FMN1: variants seen among roughly 807,000 people sequenced by gnomAD.
The protein encoded by FMN1 is formin 1.
FMN1 carries 110 observed loss-of-function variants against 132.4 expected under a neutral mutation model. The ratio of observed to expected loss-of-function variants is 0.83; its 90% confidence interval spans 0.71 to 0.97. FMN1 has a LOEUF of 0.97. FMN1 is among the 50% of genes least tolerant of loss of function. The probability of loss-of-function intolerance (pLI) is 0.00; values close to 1 mark genes in which losing one functional copy is unlikely to be tolerated. For synonymous variants in FMN1, 722 were observed against 651.7 expected (o/e 1.11, Z -1.64); for missense variants, 1,792 against 1,705.3 (o/e 1.05, Z -0.90).
chr15:32,835,176 C>T (rs938079006), intron 17 of FMN1, among the ~76,000 whole-genome samples: 1 of 152,112 alleles, frequency 6.6e-6, no homozygotes, highest in Non-Finnish European at 1.5e-5. Flanking sequence ...GGGATGTCAC[C>T]CAGCCTAGCT....
At chr15:32,781,334 T>A (rs2056656263) in intron 19 of FMN1, among the ~76,000 whole-genome samples, 1 of 152,232 alleles carries the variant, frequency 6.6e-6, no homozygotes, top group Non-Finnish European at 1.5e-5. Context: ...TAGCTCTTTA[T>A]TTAGCTAATG....
chr15:32,814,255 A>C (rs1313486321), intron 17 of FMN1, among the ~76,000 whole-genome samples: 1 of 152,198 alleles, frequency 6.6e-6, no homozygotes, highest in Admixed American at 6.5e-5. Flanking sequence ...GCTTTTCCTT[A>C]GTTATTTTTC....
chr15:33,177,085 G>T (rs1486877968), intron 3 of FMN1, among the ~76,000 whole-genome samples: 1 of 152,228 alleles, frequency 6.6e-6, no homozygotes, highest in Non-Finnish European at 1.5e-5. Context: ...AAAAGCCTGT[G>T]AAGTAGGTAC....
chr15:32,802,944 T>C (rs1183557499), intron 18 of FMN1, among the ~76,000 whole-genome samples: 2 of 152,134 alleles, frequency 1.3e-5, no homozygotes, highest in African/African-American at 4.8e-5. Flanking sequence ...ATAAGCACGA[T>C]TTGAGAATAT....
intron 15 of FMN1, among the ~76,000 whole-genome samples, chr15:32,890,600 CTT>C (rs2060004047): frequency 6.6e-6 from 1 of 152,182 alleles, no homozygotes; most frequent in African/African-American, 2.4e-5. Flanking sequence ...ACTTCGCCGA[CTT>C]TTTGATGAGA....
At chr15:32,776,629 A>G (rs1212785405) in intron 20 of FMN1, among the ~76,000 whole-genome samples, 1 of 151,732 alleles carries the variant, frequency 6.6e-6, no homozygotes, top group Non-Finnish European at 1.5e-5. Flanking sequence ...GAAATGACCT[A>G]TGTTGAGTTT....
In FMN1 at chr15:32,981,543, A is replaced by AATAATAATT. The variant is rs574939662; in HGVS notation, c.2224-12067_2224-12066insAATTATTAT. 3.8e-3 allele frequency among the ~76,000 whole-genome samples: 524 copies of AATAATAATT among 138,394 alleles called. 4 individuals carry two copies. The highest frequency in any genetic ancestry group is 0.01 in the African/African-American group (391 of 37,296). 90.8% of individuals were successfully genotyped at this position (138,394 alleles called of 152,430 possible). The stretch of plus-strand genomic sequence containing the variant: ...AAATAATAATAATAATAATAATAAT[A>AATAATAATT]ATTATTATTATTATTATTATTACAT... On this transcript the variant is annotated intron_variant, in intron 7 of 20. Coordinates refer to ENST00000616417, the MANE Select transcript of FMN1 (RefSeq NM_001277313.2).
At chr15:33,119,301 T>C (rs1160776902) in intron 4 of FMN1, among the ~76,000 whole-genome samples, 1 of 152,162 alleles carries the variant, frequency 6.6e-6, no homozygotes, top group East Asian at 1.9e-4. Flanking sequence ...TCCTGGGAAC[T>C]GAAATGGACT....
intron 15 of FMN1, among the ~76,000 whole-genome samples, chr15:32,897,183 A>AG (rs2060180710): frequency 6.6e-6 from 1 of 152,212 alleles, no homozygotes; most frequent in South Asian, 2.1e-4. Context: ...CTGGATGATT[A>AG]GTGATGTTGG....
At chr15:32,936,977 A>G (rs1206657368) in intron 9 of FMN1, among the ~76,000 whole-genome samples, 1 of 152,164 alleles carries the variant, frequency 6.6e-6, no homozygotes, top group Non-Finnish European at 1.5e-5. Context: ...GTGTCCCATC[A>G]GCACTCCAAG....
intron 17 of FMN1, among the ~76,000 whole-genome samples, chr15:32,855,905 TCTTTGCTCTCAAGATGGTA>T (rs1343874525): frequency 6.6e-6 from 1 of 152,082 alleles, no homozygotes; most frequent in African/African-American, 2.4e-5. Flanking sequence ...AGTATTGGTA[TCTTTGCTCTCAAGATGGTA>T]CTTTGTCTGA....
rs114736030 is a variant in FMN1 at position 32,916,993 on chromosome 15, C to T, written c.3227-6458G>A. On this transcript the variant is annotated intron_variant, in intron 10 of 20. Coordinates refer to ENST00000616417, the MANE Select transcript of FMN1 (RefSeq NM_001277313.2). The stretch of plus-strand genomic sequence containing the variant: ...TACTCCGTGACCTCTACAAAGGCAA[C>T]GATAACATGGGGTTCATGGGAAGAG... 2.7e-3 allele frequency among the ~76,000 whole-genome samples: 410 copies of T among 152,152 alleles called. 2 individuals carry two copies. The highest frequency in any genetic ancestry group is 9.4e-3 in the African/African-American group (392 of 41,494).
At chr15:32,869,117 AT>A (rs1391321531) in intron 16 of FMN1, among the ~76,000 whole-genome samples, 1 of 152,208 alleles carries the variant, frequency 6.6e-6, no homozygotes, top group Non-Finnish European at 1.5e-5. Context: ...AATAAAAGTA[AT>A]ACATGATGAG....
intron 10 of FMN1, among the ~76,000 whole-genome samples, chr15:32,913,964 G>A (rs1262244743): frequency 2.0e-5 from 3 of 152,154 alleles, no homozygotes; most frequent in African/African-American, 4.8e-5. Context: ...AGCCTTATAA[G>A]GCATGTATCT....
rs1227146132 is a variant in FMN1 at position 33,149,992 on chromosome 15, A to G, written c.1867+3056T>C. 3 of 985,290 alleles carry G rather than the reference A, an allele frequency of 3.0e-6. No homozygotes were observed. The African/African-American group carries it at 5.2e-5, about 17-fold the overall frequency. The allele number at this position is 985,290 out of a possible 1,614,324, so 61.0% of individuals were successfully genotyped here. On this transcript the variant is annotated intron_variant, in intron 4 of 20. Transcript: ENST00000616417. ...ATTACATATTTTCATGGGCACAAGA[A>G]TTGATCAAGAGATTCTCAGTTCTCA...
intron 7 of FMN1, among the ~76,000 whole-genome samples, chr15:33,005,123 G>A (rs1050455368): frequency 1.4e-4 from 21 of 151,734 alleles, no homozygotes; most frequent in Non-Finnish European, 2.1e-4. Context: ...ACAACAACAT[G>A]GCACATGTAT....
At chr15:32,816,953 A>G (rs535441075) in intron 17 of FMN1, among the ~76,000 whole-genome samples, 1 of 152,374 alleles carries the variant, frequency 6.6e-6, no homozygotes, top group African/African-American at 2.4e-5. Flanking sequence ...AGTAAAATTC[A>G]GATAAAAAGC....
At position 33,012,593 on chromosome 15, in the gene FMN1, A is replaced by G. The variant is rs143424868; in HGVS notation, c.2162-4518T>C. On this transcript the variant is annotated intron_variant, in intron 6 of 20. Coordinates refer to ENST00000616417, the MANE Select transcript of FMN1 (RefSeq NM_001277313.2). ...ACCTTTGACAACCATGACTCTGTGG[A>G]TAAGACTGTCGTTCAGAAATACCAC... is the stretch of plus-strand genomic sequence containing the variant. 2.9e-4 allele frequency: 348 copies of G among 1,207,378 alleles called. 4 individuals carry two copies. The East Asian group carries it at 7.8e-3, about 27-fold the overall frequency. 74.8% of individuals were successfully genotyped at this position (1,207,378 alleles called of 1,614,324 possible).
chr15:32,806,165 G>T (rs937905871), intron 17 of FMN1, among the ~76,000 whole-genome samples: 2 of 152,066 alleles, frequency 1.3e-5, no homozygotes. Context: ...TTAATTTAGG[G>T]CTACAATGAT....
Sources: allele counts gnomAD v4.1 joint callset (sites outside exome capture counted in the v4.1 genomes callset), GRCh38; gene constraint gnomAD v4.1.1; transcripts MANE v1.5; gene names NCBI Gene and HGNC (gene_info 2026-07-23, HGNC 2026-07-21).